The following RAB26 variants were observed in gnomAD, a reference collection of about 807,000 sequenced individuals.
The protein encoded by RAB26 is ras-related protein Rab-26.
RAB26 carries 39 observed loss-of-function variants against 33.1 expected under a neutral mutation model. That is an observed-to-expected ratio of 1.18 (90% CI 0.91 to 1.54). RAB26 has a LOEUF of 1.54. Among genes scored for constraint, RAB26 ranks in the 40% most tolerant of loss-of-function variants. The pLI is 0.00. For missense variants in RAB26, 468 were observed against 362.9 expected, an observed-to-expected ratio of 1.29 and a Z score of -2.35; for synonymous variants, 192 against 151.9, an observed-to-expected ratio of 1.26 and a Z score of -1.94.
chr16:2,148,954 C>A lies in RAB26; in HGVS notation c.171C>A (p.Val57=), dbSNP rs1319659556. 1.6e-6 allele frequency: 2 copies of A among 1,279,912 alleles called. No individual in the cohort carries two copies. Among genetic ancestry groups the A allele is most frequent in the Non-Finnish European group, 2.0e-6 (2 of 1,012,142 alleles). 79.3% of individuals were successfully genotyped at this position (1,279,912 alleles called of 1,614,324 possible). A position where few individuals can be genotyped will look rare whatever the true frequency, so the allele number is the denominator to read the frequency against. Residue 57 remains valine, a synonymous_variant, in exon 1 of 9, where the codon GTC becomes GTA. Coordinates refer to ENST00000210187, the MANE Select transcript of RAB26 (RefSeq NM_014353.5). ...QPGRPSLGGG[V]DFYDVAFKVM... is the part of the protein sequence containing the mutation. ...GCCGGCCCTCGCTTGGCGGCGGTGT[C>A]GACTTCTACGACGTCGCCTTCAAGG...
chr16:2,151,598 G>A lies in RAB26; in HGVS notation c.336G>A (p.Lys112=). ...RNKVLDVDGV[K]VKLQMWDTAG... ...AAGTTCTGGACGTGGATGGTGTGAA[G>A]GTGAAGCTGCAGGTAAGGTGACTGG... The change falls in exon 3 of 9, where the codon AAG becomes AAA. Residue 112 remains lysine, a synonymous_variant. Coordinates refer to ENST00000210187, the MANE Select transcript of RAB26 (RefSeq NM_014353.5). The A allele has an allele frequency of 6.2e-7, 1 of 1,613,984 alleles. No homozygotes were observed. The highest frequency in any genetic ancestry group is 1.3e-5 in the African/African-American group (1 of 75,062).
At chr16:2,152,101 G>T (rs2093007015) in intron 5 of RAB26, among the ~76,000 whole-genome samples, 193 bp downstream of exon 5, 2 of 151,294 alleles carry the variant, frequency 1.3e-5, no homozygotes, top group Admixed American at 1.3e-4. Context: ...GAGGCTTTGT[G>T]TAAGGGACCT....
At position 2,149,956 on chromosome 16, in the gene RAB26, G is replaced by T. The variant is rs1406053245; in HGVS notation, c.211G>T (p.Asp71Tyr). ...DVAFKVMLVGDSGVGKTCLLV... is the reference protein window; with the variant it reads ...DVAFKVMLVGYSGVGKTCLLV... Reference sequence around the variant, plus strand: ...CTTGTCCTAGGTCATGCTGGTGGGGGACTCGGGTGTGGGGAAGACCTGTCT... The same window carrying T: ...CTTGTCCTAGGTCATGCTGGTGGGGTACTCGGGTGTGGGGAAGACCTGTCT... The change falls in exon 2 of 9, where the codon GAC becomes TAC. Residue 71 changes from aspartate to tyrosine, a missense_variant. Physicochemically the swap from Asp to Tyr is radical, Grantham distance 160. Transcript: ENST00000210187. The T allele has an allele frequency of 1.3e-6, 2 of 1,537,856 alleles. No individual in the cohort carries two copies. The highest frequency in any genetic ancestry group is 2.0e-5 in the Admixed American group (1 of 49,308).
chr16:2,153,187 C>T lies in RAB26; in HGVS notation c.633C>T (p.Gly211=). 6.2e-7 allele frequency: 1 copy of T among 1,613,820 alleles called. No homozygotes were observed. The change falls in exon 8 of 9, where the codon GGC becomes GGT. Residue 211 remains glycine, a synonymous_variant. Coordinates refer to ENST00000210187, the MANE Select transcript of RAB26 (RefSeq NM_014353.5). ...TCATGGAGACCAGCGCCAAGACGGG[C>T]CTCAACGTGGACTTGGCCTTCACAG... The part of the protein sequence containing the change: ...LPFMETSAKT[G]LNVDLAFTAI...
rs754246033 is a variant in RAB26, at chr16:2,148,930, C to T, written c.147C>T (p.Gly49=). ...CGCCCAACGGGCCCTTGCAGCCCGG[C>T]CGGCCCTCGCTTGGCGGCGGTGTCG... ...DAPPNGPLQP[G]RPSLGGGVDF... The change falls in exon 1 of 9, where the codon GGC becomes GGT. Residue 49 remains glycine, a synonymous_variant. Coordinates refer to ENST00000210187, the MANE Select transcript of RAB26 (RefSeq NM_014353.5). 27 of 1,299,824 alleles carry T rather than the reference C, an allele frequency of 2.1e-5. No individual in the cohort carries two copies. The highest frequency in any genetic ancestry group is 2.2e-5 in the Non-Finnish European group (22 of 1,022,604). 80.5% of individuals were successfully genotyped at this position (1,299,824 alleles called of 1,614,324 possible).
At chr16:2,153,101 C>A in intron 7 of RAB26, 45 bp from the exon 8 acceptor site, 1 of 1,613,288 alleles carries the variant, frequency 6.2e-7, no homozygotes, top group Non-Finnish European at 8.5e-7. Context: ...CGAGCCTAGG[C>A]TGTCCCCGCC....
intron 1 of RAB26, among the ~76,000 whole-genome samples, chr16:2,149,688 G>A (rs1233722450): frequency 6.6e-6 from 1 of 152,184 alleles, no homozygotes; most frequent in Non-Finnish European, 1.5e-5. Flanking sequence ...GGGTATGGAC[G>A]TTAGGGAGGG....
rs569572667 is a variant in RAB26, at chr16:2,151,124, T to C, written c.307-445T>C. 1.6e-5 allele frequency: 7 copies of C among 431,118 alleles called. No individual in the cohort carries two copies. The East Asian group carries it at 2.8e-4, about 17-fold the overall frequency. The allele number at this position is 431,118 out of a possible 1,614,324, so 26.7% of individuals were successfully genotyped here. A position where few individuals can be genotyped will look rare whatever the true frequency, so the allele number is the denominator to read the frequency against. ...GGAGTGGCTTTAATTTTTTATTCTT[T>C]TGAAGCAGGGTCTCACTCTGTCGCC... On this transcript the variant is annotated intron_variant, in intron 2 of 8. Coordinates refer to ENST00000210187, the MANE Select transcript of RAB26 (RefSeq NM_014353.5).
At position 2,148,918 on chromosome 16, in the gene RAB26, C is replaced by T. The variant is rs763640088; in HGVS notation, c.135C>T (p.Pro45=). ...LSGPDAPPNG[P]LQPGRPSLGG... The stretch of plus-strand genomic sequence containing the variant: ...GCCCCGACGCGCCGCCCAACGGGCC[C>T]TTGCAGCCCGGCCGGCCCTCGCTTG... The change falls in exon 1 of 9, where the codon CCC becomes CCT. Residue 45 remains proline (P), a synonymous_variant. Transcript: ENST00000210187. 2.1e-5 allele frequency: 27 copies of T among 1,309,358 alleles called. No individual in the cohort carries two copies. The highest frequency in any genetic ancestry group is 2.5e-5 in the Non-Finnish European group (26 of 1,027,546). 81.1% of individuals were successfully genotyped at this position (1,309,358 alleles called of 1,614,324 possible).
intron 7 of RAB26, 47 bp from the exon 8 acceptor site, chr16:2,153,099 G>A: frequency 6.2e-7 from 1 of 1,613,340 alleles, no homozygotes; most frequent in Non-Finnish European, 8.5e-7. Flanking sequence ...TGCGAGCCTA[G>A]GCTGTCCCCG....
At chr16:2,152,642 G>A (rs1318634484) in intron 5 of RAB26, among the ~76,000 whole-genome samples, 178 bp from the exon 6 acceptor site, 4 of 139,222 alleles carry the variant, frequency 2.9e-5, no homozygotes, top group Non-Finnish European at 3.0e-5. Context: ...GCAGTGAGTC[G>A]AGATGGAGCC....
chr16:2,152,651 C>G (rs1412965549), intron 5 of RAB26, among the ~76,000 whole-genome samples, 169 bp from the exon 6 acceptor site: 1 of 145,026 alleles, frequency 6.9e-6, no homozygotes, highest in Non-Finnish European at 1.5e-5. Flanking sequence ...CGAGATGGAG[C>G]CATTGCACTC....
chr16:2,149,891 G>A (rs2092999032), intron 1 of RAB26, 50 bp from the exon 2 acceptor site: 3 of 1,413,264 alleles, frequency 2.1e-6, no homozygotes, highest in Non-Finnish European at 2.8e-6. Flanking sequence ...CTTCTGACCA[G>A]GCCAGCTCAG....
Position 2,149,936 on chromosome 16 carries a change from C to T in RAB26, c.196-5C>T, listed in dbSNP as rs1463905023. 1 of 1,531,640 alleles carries T rather than the reference C, an allele frequency of 6.5e-7. No individual in the cohort carries two copies. Among genetic ancestry groups the T allele is most frequent in the Admixed American group, 2.1e-5 (1 of 48,376 alleles). The allele number at this position is 1,531,640 out of a possible 1,614,324, so 94.9% of individuals were successfully genotyped here. A position where few individuals can be genotyped will look rare whatever the true frequency, so the allele number is the denominator to read the frequency against. On this transcript the variant is annotated splice_region_variant and splice_polypyrimidine_tract_variant and intron_variant, in intron 1 of 8. Transcript: ENST00000210187. ...GACTCCCCCCAACCCTCCTGCTTGTCCTAGGTCATGCTGGTGGGGGACTCG... is the reference window on the plus strand; with the variant it reads ...GACTCCCCCCAACCCTCCTGCTTGTTCTAGGTCATGCTGGTGGGGGACTCG...
At position 2,151,888 on chromosome 16, in the gene RAB26, G is replaced by T; in HGVS notation, c.448G>T (p.Ala150Ser). 6.2e-7 allele frequency: 1 copy of T among 1,614,160 alleles called. No homozygotes were observed. ...GCTGCTCTACGATGTCACCAACAAG[G>T]CCTCCTTTGACAACATCCAGGTCAG... ...LLLLYDVTNK[A>S]SFDNIQAWLT... Residue 150 changes from alanine (A) to serine (S), a missense_variant, in exon 5 of 9, where the codon GCC (alanine) becomes TCC (serine). Coordinates refer to ENST00000210187, the MANE Select transcript of RAB26 (RefSeq NM_014353.5).
In RAB26 at chr16:2,151,616, G is replaced by A. The variant is rs766443177; in HGVS notation, c.348+6G>A. 1.2e-6 allele frequency: 2 copies of A among 1,614,062 alleles called. No individual in the cohort carries two copies. Among genetic ancestry groups the A allele is most frequent in the Non-Finnish European group, 1.7e-6 (2 of 1,180,036 alleles). The stretch of plus-strand genomic sequence containing the variant: ...GTGTGAAGGTGAAGCTGCAGGTAAG[G>A]TGACTGGCAGAGGACAAGTTGGGGG... On this transcript the variant is annotated splice_donor_region_variant and intron_variant, in intron 3 of 8. Coordinates refer to ENST00000210187, the MANE Select transcript of RAB26 (RefSeq NM_014353.5).
Position 2,153,445 on chromosome 16 carries a change from G to A in RAB26, c.*24G>A. 8.1e-6 allele frequency: 13 copies of A among 1,609,396 alleles called. No homozygotes were observed. Among genetic ancestry groups the A allele is most frequent in the Non-Finnish European group, 1.0e-5 (12 of 1,176,796 alleles). ...GAACCTGGCTGAGCTCAGTCCTCTGGAGGAAGCCGTCCAGTCCCTAGAAGG... is the reference window on the plus strand; with the variant it reads ...GAACCTGGCTGAGCTCAGTCCTCTGAAGGAAGCCGTCCAGTCCCTAGAAGG... On this transcript the variant is annotated 3_prime_UTR_variant, in exon 9 of 9. Transcript: ENST00000210187.
chr16:2,150,846 C>T (rs2093002617), intron 2 of RAB26, among the ~76,000 whole-genome samples: 1 of 152,200 alleles, frequency 6.6e-6, no homozygotes, highest in African/African-American at 2.4e-5. Flanking sequence ...TCCCGGGAGA[C>T]CCAGAAGCAC....
chr16:2,149,100 G>T, intron 1 of RAB26, 122 bp downstream of exon 1: 1 of 1,013,038 alleles, frequency 9.9e-7, no homozygotes, highest in Non-Finnish European at 1.3e-6. Context: ...GACGCGGGAG[G>T]AACCCCGTGG....
Sources: allele counts gnomAD v4.1 joint callset (sites outside exome capture counted in the v4.1 genomes callset), GRCh38; gene constraint gnomAD v4.1.1; transcripts MANE v1.5; gene names NCBI Gene and HGNC (gene_info 2026-07-23, HGNC 2026-07-21).